CLVS1: variants seen among roughly 807,000 people sequenced by gnomAD.
The protein encoded by CLVS1 is clavesin-1.
CLVS1 carries 10 observed loss-of-function variants against 33.1 expected under a neutral mutation model. The ratio of observed to expected loss-of-function variants is 0.30; its 90% CI spans 0.19 to 0.51. CLVS1 has a LOEUF of 0.51. CLVS1 is among the 20% of genes least tolerant of loss of function. The pLI is 0.97. For missense variants in CLVS1, 343 were observed against 433.4 expected (o/e 0.79, Z 1.85); for synonymous variants, 163 against 166.1 (o/e 0.98, Z 0.14).
At chr8:61,139,020 C>T (rs748614366) in intron 2 of CLVS1, among the ~76,000 whole-genome samples, 2 of 152,284 alleles carry the variant, frequency 1.3e-5, no homozygotes, top group African/African-American at 2.4e-5. Flanking sequence ...TTGAGAACTG[C>T]TAGAAGCACC....
chr8:61,332,704 G>C (rs376488177), intron 2 of CLVS1, among the ~76,000 whole-genome samples: 15 of 152,196 alleles, frequency 9.9e-5, no homozygotes, highest in African/African-American at 3.6e-4. Context: ...GCAGTGGTGC[G>C]ATCTTGGCTC....
the CLVS1 span, among the ~76,000 whole-genome samples, chr8:61,005,519 G>A: frequency 6.6e-6 from 1 of 152,032 alleles, no homozygotes; most frequent in Non-Finnish European, 1.5e-5. Context: ...GCCCCCACAT[G>A]GACGCCTGCC....
chr8:60,967,461 C>T, the CLVS1 span: 1 of 332,328 alleles, frequency 3.0e-6, no homozygotes, highest in Non-Finnish European at 6.0e-6. Context: ...ACGGAAGCCG[C>T]ATAGAGACAT....
intron 2 of CLVS1, among the ~76,000 whole-genome samples, chr8:61,239,443 AT>A (rs1808646376): frequency 6.6e-6 from 1 of 152,048 alleles, no homozygotes; most frequent in South Asian, 2.1e-4. Flanking sequence ...TTAATATATT[AT>A]TTTTTTAACC....
chr8:61,201,400 G>A (rs1239863858), intron 2 of CLVS1, among the ~76,000 whole-genome samples: 1 of 152,102 alleles, frequency 6.6e-6, no homozygotes, highest in Non-Finnish European at 1.5e-5. Context: ...GCAGAATCAG[G>A]ACTCAAACTC....
chr8:61,018,274 T>G, the CLVS1 span, among the ~76,000 whole-genome samples: 1 of 152,188 alleles, frequency 6.6e-6, no homozygotes, highest in African/African-American at 2.4e-5. Flanking sequence ...TTCGTGTTAT[T>G]TTCTCTCCTC....
intron 2 of CLVS1, among the ~76,000 whole-genome samples, chr8:61,266,298 T>C (rs1259326771): frequency 5.9e-5 from 9 of 151,808 alleles, no homozygotes; most frequent in East Asian, 1.9e-4. Flanking sequence ...TCTTTCTTTT[T>C]TTTTTTTTTT....
chr8:61,085,859 T>G (rs1805112185), intron 1 of CLVS1, among the ~76,000 whole-genome samples: 1 of 150,922 alleles, frequency 6.6e-6, no homozygotes, highest in Non-Finnish European at 1.5e-5. Context: ...CCACCTCTAC[T>G]AAAAATACAA....
chr8:61,239,738 A>G (rs1808652974), intron 2 of CLVS1, among the ~76,000 whole-genome samples: 1 of 152,198 alleles, frequency 6.6e-6, no homozygotes, highest in Non-Finnish European at 1.5e-5. Flanking sequence ...CCCTGTCTCA[A>G]AAAGTAATTA....
chr8:61,480,902 T>A (rs1233335003), intron 5 of CLVS1, among the ~76,000 whole-genome samples: 1 of 152,102 alleles, frequency 6.6e-6, no homozygotes, highest in Non-Finnish European at 1.5e-5. Flanking sequence ...TCTCTATTCT[T>A]GGGTAGTGTG....
At chr8:61,375,266 T>A (rs1015659350) in intron 2 of CLVS1, among the ~76,000 whole-genome samples, 75 of 127,184 alleles carry the variant, frequency 5.9e-4, no homozygotes, top group South Asian at 1.5e-3. Context: ...TTTTTTTTTT[T>A]ATGAGACAGA....
intron 2 of CLVS1, among the ~76,000 whole-genome samples, chr8:61,189,049 G>A (rs1489146986): frequency 1.3e-5 from 2 of 152,070 alleles, no homozygotes; most frequent in Non-Finnish European, 2.9e-5. Context: ...CTCGAGAAGA[G>A]CAACTCCAAG....
At chr8:61,110,160 C>T (rs1000200791) in intron 1 of CLVS1, among the ~76,000 whole-genome samples, 9 of 152,240 alleles carry the variant, frequency 5.9e-5, no homozygotes, top group Admixed American at 5.9e-4. Context: ...AAATTAATCC[C>T]CCTCCCACCA....
intron 1 of CLVS1, among the ~76,000 whole-genome samples, chr8:61,102,388 T>G (rs1431308967): frequency 6.6e-6 from 1 of 152,204 alleles, no homozygotes; most frequent in Non-Finnish European, 1.5e-5. Flanking sequence ...TTTTCTTAAT[T>G]TAATTTTGGT....
intron 2 of CLVS1, among the ~76,000 whole-genome samples, chr8:61,174,193 A>G (rs1807066095): frequency 6.6e-6 from 1 of 152,228 alleles, no homozygotes; most frequent in Non-Finnish European, 1.5e-5. Flanking sequence ...CACCTCCCCA[A>G]AATTTCCAGG....
At chr8:61,048,448 T>C in the CLVS1 span, among the ~76,000 whole-genome samples, 1 of 152,010 alleles carries the variant, frequency 6.6e-6, no homozygotes, top group Admixed American at 6.6e-5. Flanking sequence ...AGGCAAAGGG[T>C]GGGTTGCAGC....
At chr8:61,134,281 G>A (rs1469525286) in intron 2 of CLVS1, among the ~76,000 whole-genome samples, 1 of 152,182 alleles carries the variant, frequency 6.6e-6, no homozygotes, top group Admixed American at 6.5e-5. Context: ...CCTCAGTGGG[G>A]CCCAATTGCC....
chr8:61,416,987 CT>C (rs966967788), intron 3 of CLVS1, among the ~76,000 whole-genome samples: 1 of 152,198 alleles, frequency 6.6e-6, no homozygotes, highest in African/African-American at 2.4e-5. Context: ...GTGGAAGCCA[CT>C]TCTCACTGTG....
At position 61,059,487 on chromosome 8, in the gene CLVS1, T is replaced by C. The variant is rs565411379; in HGVS notation, c.-243+2257T>C. 1.5e-3 allele frequency among the ~76,000 whole-genome samples: 155 copies of C among 104,920 alleles called. 5 individuals are homozygous for C. The highest frequency in any genetic ancestry group is 4.9e-3 in the African/African-American group (148 of 30,356). The allele number at this position is 104,920 out of a possible 152,430, so 68.8% of individuals were successfully genotyped here. ...ACATACATACATACATATATATATA[T>C]ATATATATATATACACATATCTTGA... On this transcript the variant is annotated intron_variant, in intron 1 of 2. Coordinates refer to the CLVS1 transcript ENST00000522621.
Sources: gnomAD v4.1 joint callset for allele counts (sites outside exome capture counted in the v4.1 genomes callset) on GRCh38, gnomAD v4.1.1 for gene constraint, MANE v1.5 for transcripts, NCBI Gene and HGNC (gene_info 2026-07-23, HGNC 2026-07-21) for gene names.